Variants in STX8 observed in about 807,000 individuals in gnomAD.
The protein encoded by STX8 is syntaxin 8.
A neutral mutation model predicts 37.5 loss-of-function variants in STX8; 23 were observed. That is an observed-to-expected ratio of 0.61 (90% CI 0.44 to 0.87). The LOEUF (loss-of-function observed/expected upper bound fraction) is 0.87. STX8 is among the 40% of genes least tolerant of loss of function. STX8 has a pLI of 0.00. For synonymous variants in STX8, 115 were observed against 99.1 expected (o/e 1.16, Z -0.95); for missense variants, 313 against 284.7 (o/e 1.10, Z -0.71).
Position 9,438,786 on chromosome 17 carries a change from G to A in STX8, c.541+53043C>T, listed in dbSNP as rs149574960. Reference sequence around the variant, plus strand: ...CTATTAAAAATACAAAAAATTAGCCGGGCGGTGGTGGTGGCGCCTGTAGTC... The same window carrying A: ...CTATTAAAAATACAAAAAATTAGCCAGGCGGTGGTGGTGGCGCCTGTAGTC... On this transcript the variant is annotated intron_variant, in intron 6 of 7. Coordinates refer to ENST00000306357, the MANE Select transcript of STX8 (RefSeq NM_004853.3). Among the ~76,000 whole-genome samples, 351 of 151,994 alleles carry A rather than the reference G, an allele frequency of 2.3e-3. 1 individual carries two copies. The highest frequency in any genetic ancestry group is 8.2e-3 in the African/African-American group (340 of 41,382).
chr17:9,284,569 A>G (rs1406703493), intron 7 of STX8, among the ~76,000 whole-genome samples: 1 of 152,232 alleles, frequency 6.6e-6, no homozygotes, highest in Admixed American at 6.5e-5. Flanking sequence ...TTCAGAAGAT[A>G]TGAGCAATGA....
At chr17:9,486,844 G>C (rs1401345242) in intron 6 of STX8, among the ~76,000 whole-genome samples, 4 of 152,198 alleles carry the variant, frequency 2.6e-5, no homozygotes, top group Non-Finnish European at 5.9e-5. Flanking sequence ...GGGCAACAGA[G>C]TGAGACCAGA....
In STX8 at chr17:9,313,718, C is replaced by T. The variant is rs533089263; in HGVS notation, c.644-63073G>A. 4.2e-4 allele frequency among the ~76,000 whole-genome samples: 64 copies of T among 152,318 alleles called. 1 individual carries two copies. The South Asian group carries it at 5.4e-3, about 13-fold the overall frequency. ...CTCAGCTCACTGCATGCAACCTCCA[C>T]CTCCTGGGTTCAAGCGATTCTTATG... On this transcript the variant is annotated intron_variant, in intron 7 of 7. Coordinates refer to ENST00000306357, the MANE Select transcript of STX8 (RefSeq NM_004853.3).
intron 7 of STX8, among the ~76,000 whole-genome samples, chr17:9,293,938 T>TG (rs1908418126): frequency 6.6e-6 from 1 of 151,808 alleles, no homozygotes; most frequent in Non-Finnish European, 1.5e-5. Flanking sequence ...ATTTTTTTTT[T>TG]GTATTTTTAG....
chr17:9,544,602 C>A (rs957236469), intron 4 of STX8, among the ~76,000 whole-genome samples: 1 of 152,090 alleles, frequency 6.6e-6, no homozygotes, highest in Non-Finnish European at 1.5e-5. Flanking sequence ...CCAAAGAATG[C>A]CAAAGAAATG....
chr17:9,392,319 C>G (rs1446947087), intron 6 of STX8, among the ~76,000 whole-genome samples: 1 of 152,150 alleles, frequency 6.6e-6, no homozygotes, highest in Non-Finnish European at 1.5e-5. Context: ...AGTTATCTGA[C>G]AAAGACTTTA....
intron 6 of STX8, among the ~76,000 whole-genome samples, chr17:9,473,898 A>G (rs1412936153): frequency 6.6e-6 from 1 of 152,140 alleles, no homozygotes; most frequent in Non-Finnish European, 1.5e-5. Context: ...ATAATAACTC[A>G]CGGTAGGCTC....
At chr17:9,433,208 ATACGC>A (rs1292801864) in intron 6 of STX8, among the ~76,000 whole-genome samples, 19 of 152,366 alleles carry the variant, frequency 1.2e-4, no homozygotes, top group African/African-American at 4.3e-4. Flanking sequence ...AAGACAAGGC[ATACGC>A]CTGGACCCCA....
chr17:9,300,960 G>A (rs1908756962), intron 7 of STX8, among the ~76,000 whole-genome samples: 1 of 150,456 alleles, frequency 6.6e-6, no homozygotes, highest in African/African-American at 2.4e-5. Flanking sequence ...AGCCTCCTGA[G>A]TAGCTGGGAC....
At chr17:9,318,653 A>T (rs928802809) in intron 7 of STX8, among the ~76,000 whole-genome samples, 3 of 152,214 alleles carry the variant, frequency 2.0e-5, no homozygotes, top group African/African-American at 7.2e-5. Flanking sequence ...TCAGTACTGG[A>T]GATGATCAGA....
intron 6 of STX8, among the ~76,000 whole-genome samples, chr17:9,461,995 A>C (rs1905408243): frequency 6.6e-6 from 1 of 152,076 alleles, no homozygotes; most frequent in African/African-American, 2.4e-5. Flanking sequence ...CAGGAGGCGG[A>C]GCTCAGGCGG....
chr17:9,441,672 CTTTTTTTTTT>C (rs1161609414), intron 6 of STX8, among the ~76,000 whole-genome samples: 11 of 93,276 alleles, frequency 1.2e-4, no homozygotes, highest in South Asian at 3.9e-4. Context: ...AGCACCATGG[CTTTTTTTTTT>C]TTTTTTTTTT....
chr17:9,553,295 C>G (rs1906840793), intron 3 of STX8: 1 of 152,194 alleles, frequency 6.6e-6, no homozygotes, highest in African/African-American at 2.4e-5. Flanking sequence ...ATTAATTGCA[C>G]GCTAATGGAT....
intron 1 of STX8, among the ~76,000 whole-genome samples, chr17:9,573,184 A>C (rs2151920472): frequency 6.9e-6 from 1 of 145,968 alleles, no homozygotes; most frequent in South Asian, 2.2e-4. Context: ...GGAAGAGGGG[A>C]TCAGACATGC....
At chr17:9,251,238 G>A (rs1042307933) in intron 7 of STX8, among the ~76,000 whole-genome samples, 1 of 152,202 alleles carries the variant, frequency 6.6e-6, no homozygotes, top group Non-Finnish European at 1.5e-5. Context: ...CCCATGCTGG[G>A]TGCCACTCTG....
intron 6 of STX8, among the ~76,000 whole-genome samples, chr17:9,401,366 T>A (rs773596177): frequency 6.6e-6 from 1 of 152,194 alleles, no homozygotes; most frequent in Non-Finnish European, 1.5e-5. Context: ...TAAAAGTAGT[T>A]ATGATGATGG....
Position 9,338,048 on chromosome 17 carries a change from ATTTTTT to A in STX8, c.643+40498_643+40503del, listed in dbSNP as rs972471091. ...GAGGGCTTTGGGGCACCTCTGAAGG[ATTTTTT>A]TTTTTTTTTTTTTTTTGAGATGGAG... On this transcript the variant is annotated intron_variant, in intron 7 of 7. Coordinates refer to ENST00000306357, the MANE Select transcript of STX8 (RefSeq NM_004853.3). 8.7e-3 allele frequency among the ~76,000 whole-genome samples: 938 copies of A among 107,894 alleles called. 10 individuals carry two copies. The highest frequency in any genetic ancestry group is 0.032 in the African/African-American group (887 of 27,452). The allele number at this position is 107,894 out of a possible 152,430, so 70.8% of individuals were successfully genotyped here.
chr17:9,305,180 C>T (rs568374972), intron 7 of STX8, among the ~76,000 whole-genome samples: 2 of 152,124 alleles, frequency 1.3e-5, no homozygotes, highest in East Asian at 1.9e-4. Flanking sequence ...GCAACCTCCA[C>T]CTCCTGGGTT....
At chr17:9,324,858 C>G (rs191850692) in intron 7 of STX8, among the ~76,000 whole-genome samples, 280 of 151,712 alleles carry the variant, frequency 1.8e-3, no homozygotes, top group Non-Finnish European at 3.1e-3. Context: ...AACAGGGATA[C>G]GAATGGTCCC....
Sources: allele counts gnomAD v4.1 joint callset (sites outside exome capture counted in the v4.1 genomes callset), GRCh38; gene constraint gnomAD v4.1.1; transcripts MANE v1.5; gene names NCBI Gene and HGNC (gene_info 2026-07-23, HGNC 2026-07-21).